The following PHACTR2 variants were observed in gnomAD, a reference collection of about 807,000 sequenced individuals.
PHACTR2 encodes phosphatase and actin regulator 2, also known as chromosome 6 open reading frame 56.
Under a neutral mutation model 76.0 loss-of-function variants are expected in PHACTR2, and 30 were observed. The ratio of observed to expected loss-of-function variants is 0.39; its 90% CI spans 0.30 to 0.54. The LOEUF (loss-of-function observed/expected upper bound fraction) is 0.54. Among genes scored for constraint, PHACTR2 ranks in the 20% least tolerant of loss-of-function variants. PHACTR2 has a pLI of 0.61. For synonymous variants in PHACTR2, 292 were observed against 292.5 expected (o/e 1.00, Z 0.02); for missense variants, 696 against 781.1 (o/e 0.89, Z 1.30).
At chr6:143,542,900 T>C (rs1781184282) in intron 1 of PHACTR2, among the ~76,000 whole-genome samples, 1 of 152,206 alleles carries the variant, frequency 6.6e-6, no homozygotes, top group Admixed American at 6.5e-5. Context: ...AGTGCCAACA[T>C]GGCCATGTAG....
Position 143,710,512 on chromosome 6 carries a change from G to A in PHACTR2, c.47-1504G>A, listed in dbSNP as rs111556991. Among the ~76,000 whole-genome samples, 5 of 152,224 alleles carry A rather than the reference G, an allele frequency of 3.3e-5. No individual in the cohort carries two copies. Among genetic ancestry groups the A allele is most frequent in the African/African-American group, 7.2e-5 (3 of 41,546 alleles). ...GTTCAAGACCAGCCTGGGCAACATG[G>A]TGAAACCCCGTCTCTACTAAAAATA... On this transcript the variant is annotated intron_variant, in intron 1 of 12. Transcript: ENST00000440869. The surrounding 1 kb of genome is among the most constrained non-coding windows in gnomAD (Gnocchi z 4.9).
At chr6:143,758,788 TA>T (rs1779365171) in intron 4 of PHACTR2, among the ~76,000 whole-genome samples, 1 of 152,204 alleles carries the variant, frequency 6.6e-6, no homozygotes, top group African/African-American at 2.4e-5. Flanking sequence ...AGGTGAACTT[TA>T]AAAGTAAAGC....
rs1582914032 is a variant in PHACTR2 at position 143,820,641 on chromosome 6, T to C, written c.1923-3033T>C. Among the ~76,000 whole-genome samples, 1 of 152,224 alleles carries C rather than the reference T, an allele frequency of 6.6e-6. No individual in the cohort carries two copies. Among genetic ancestry groups the C allele is most frequent in the Non-Finnish European group, 1.5e-5 (1 of 68,042 alleles). Reference sequence around the variant, plus strand: ...CCCAGGCTGATCTCACAGGCTGGCGTTGAATGTCTGTGGCTTTTCCAGGCA... The same window carrying C: ...CCCAGGCTGATCTCACAGGCTGGCGCTGAATGTCTGTGGCTTTTCCAGGCA... On this transcript the variant is annotated intron_variant, in intron 12 of 12. Transcript: ENST00000440869. The surrounding 1 kb of genome is among the most constrained non-coding windows in gnomAD (Gnocchi z 4.2).
At chr6:143,668,122 A>G (rs1469038204) in intron 1 of PHACTR2, among the ~76,000 whole-genome samples, 1 of 152,180 alleles carries the variant, frequency 6.6e-6, no homozygotes, top group Admixed American at 6.5e-5. Context: ...TTCTGCATCT[A>G]TTGAGATAAT....
chr6:143,810,931 T>G (rs1435351343), intron 12 of PHACTR2, among the ~76,000 whole-genome samples: 1 of 152,222 alleles, frequency 6.6e-6, no homozygotes, highest in Non-Finnish European at 1.5e-5. Context: ...CAGCCCTTTA[T>G]TGCCTATGTT....
In PHACTR2 at chr6:143,742,333, G is replaced by T. The variant is rs1778964033; in HGVS notation, c.215-6652G>T. 6.6e-6 allele frequency among the ~76,000 whole-genome samples: 1 copy of T among 152,072 alleles called. No individual in the cohort carries two copies. The highest frequency in any genetic ancestry group is 2.4e-5 in the African/African-American group (1 of 41,398). On this transcript the variant is annotated intron_variant, in intron 2 of 12. Coordinates refer to ENST00000440869, the MANE Select transcript of PHACTR2 (RefSeq NM_001100164.2). This position sits in a 1 kb window ranked among gnomAD's most constrained non-coding sequence, Gnocchi z 4.5. The stretch of plus-strand genomic sequence containing the variant: ...TTGAGTCTGTATTTCCTCCCTGTTG[G>T]CTTTTGTTGTTGTTGTGGTTGTTAA...
rs1460755892 is a variant in PHACTR2 at position 143,793,340 on chromosome 6, A to G, written c.1845+4430A>G. ...CTTCTAGGTTGCAGGGGAAAGGTAC[A>G]TGACCAGGTTTTCTGCCACAGGCTT... On this transcript the variant is annotated intron_variant, in intron 11 of 12. Coordinates refer to ENST00000440869, the MANE Select transcript of PHACTR2 (RefSeq NM_001100164.2). The surrounding 1 kb of genome is among the most constrained non-coding windows in gnomAD (Gnocchi z 4.4). Among the ~76,000 whole-genome samples the G allele has an allele frequency of 6.6e-6, 1 of 152,060 alleles. No homozygotes were observed. The highest frequency in any genetic ancestry group is 1.5e-5 in the Non-Finnish European group (1 of 68,004).
intron 1 of PHACTR2, among the ~76,000 whole-genome samples, chr6:143,704,097 G>GTGTGTGTGTGTGTGTC (rs1554221244): frequency 4.2e-5 from 6 of 142,456 alleles, no homozygotes; most frequent in African/African-American, 1.7e-4. Flanking sequence ...GTGTGTGTCT[G>GTGTGTGTGTGTGTGTC]TGTGTGTGTG....
intron 12 of PHACTR2, among the ~76,000 whole-genome samples, chr6:143,808,359 C>A (rs548941045): frequency 6.6e-6 from 1 of 152,006 alleles, no homozygotes; most frequent in South Asian, 2.1e-4. Flanking sequence ...AAACTCCTAA[C>A]CTAGAGTGAT....
At position 143,678,491 on chromosome 6, in the gene PHACTR2, G is replaced by C. The variant is rs1270571271; in HGVS notation, c.46+282G>C. On this transcript the variant is annotated intron_variant, in intron 1 of 12. Transcript: ENST00000440869. This position sits in a 1 kb window ranked among gnomAD's most constrained non-coding sequence, Gnocchi z 6.2. ...ATTATTTCGGAGCCAGAAACTTACGGGAAACGCCATTTGCGTATTACAGTG... is the reference window on the plus strand; with the variant it reads ...ATTATTTCGGAGCCAGAAACTTACGCGAAACGCCATTTGCGTATTACAGTG... Among the ~76,000 whole-genome samples, 3 of 152,328 alleles carry C rather than the reference G, an allele frequency of 2.0e-5. No homozygotes were observed. Among genetic ancestry groups the C allele is most frequent in the African/African-American group, 7.2e-5 (3 of 41,572 alleles).
chr6:143,797,954 T>A (rs1309484884), intron 11 of PHACTR2, among the ~76,000 whole-genome samples: 1 of 152,216 alleles, frequency 6.6e-6, no homozygotes, highest in Non-Finnish European at 1.5e-5. Context: ...GGTAGCTGGA[T>A]GGGGATAGCA....
rs527334507 is a variant in PHACTR2 at position 143,795,043 on chromosome 6, T to C, written c.1845+6133T>C. ...GAATCTGGTAGTCTGGTTAAATGGC[T>C]CATGTTGGAAAAGAGAAGTGGTGGG... On this transcript the variant is annotated intron_variant, in intron 11 of 12. Coordinates refer to ENST00000440869, the MANE Select transcript of PHACTR2 (RefSeq NM_001100164.2). This position sits in a 1 kb window ranked among gnomAD's most constrained non-coding sequence, Gnocchi z 4.8. Among the ~76,000 whole-genome samples, 373 of 152,274 alleles carry C rather than the reference T, an allele frequency of 2.4e-3. 3 individuals are homozygous for C. The highest frequency in any genetic ancestry group is 8.6e-3 in the African/African-American group (356 of 41,570).
In PHACTR2 at chr6:143,694,668, G is replaced by A. The variant is rs575282543; in HGVS notation, c.46+16459G>A. Among the ~76,000 whole-genome samples, 8 of 152,314 alleles carry A rather than the reference G, an allele frequency of 5.3e-5. No individual in the cohort carries two copies. The East Asian group carries it at 1.4e-3, about 26-fold the overall frequency. ...CTAAAATAAGAAAGAAAATGAATAAGCGTGTTAAAGAAAGATGGTGTTTAA... is the reference window on the plus strand; with the variant it reads ...CTAAAATAAGAAAGAAAATGAATAAACGTGTTAAAGAAAGATGGTGTTTAA... On this transcript the variant is annotated intron_variant, in intron 1 of 12. Coordinates refer to ENST00000440869, the MANE Select transcript of PHACTR2 (RefSeq NM_001100164.2).
rs1238562575 is a variant in PHACTR2 at position 143,554,898 on chromosome 6, A to G, written c.217+17691A>G. The G allele has an allele frequency of 6.6e-6, 1 of 151,468 alleles. No individual in the cohort carries two copies. Among genetic ancestry groups the G allele is most frequent in the Non-Finnish European group, 1.5e-5 (1 of 67,826 alleles). 9.4% of individuals were successfully genotyped at this position (151,468 alleles called of 1,614,324 possible). On this transcript the variant is annotated intron_variant, in intron 1 of 11. Coordinates refer to the PHACTR2 transcript ENST00000367584. This position sits in a 1 kb window ranked among gnomAD's most constrained non-coding sequence, Gnocchi z 5.9. Reference sequence around the variant, plus strand: ...CTTTGCCCTTTGTTCCTGTTGCATTATTTTCTTAACTCTTGGTGTGTTGAG... The same window carrying G: ...CTTTGCCCTTTGTTCCTGTTGCATTGTTTTCTTAACTCTTGGTGTGTTGAG...
In PHACTR2 at chr6:143,537,877, C is replaced by G. The variant is rs9403501; in HGVS notation, c.217+670C>G. Among the ~76,000 whole-genome samples, 21 of 152,038 alleles carry G rather than the reference C, an allele frequency of 1.4e-4. No individual in the cohort carries two copies. The highest frequency in any genetic ancestry group is 5.1e-4 in the African/African-American group (21 of 41,410). On this transcript the variant is annotated intron_variant, in intron 1 of 11. Transcript: ENST00000367584. The surrounding 1 kb of genome is among the most constrained non-coding windows in gnomAD (Gnocchi z 4.4). ...TTCCAGAGCTTTGGGAGGCCCAAGGCCGGCCGATCACTTGAGGTCAAAAGT... is the reference window on the plus strand; with the variant it reads ...TTCCAGAGCTTTGGGAGGCCCAAGGGCGGCCGATCACTTGAGGTCAAAAGT...
rs914172694 is a variant in PHACTR2, at chr6:143,777,638, A to G, written c.1645+255A>G. On this transcript the variant is annotated intron_variant, in intron 9 of 12. Coordinates refer to ENST00000440869, the MANE Select transcript of PHACTR2 (RefSeq NM_001100164.2). The surrounding 1 kb of genome is among the most constrained non-coding windows in gnomAD (Gnocchi z 4.6). ...CATGGTCATGACAATTGTGTTTAAGAAAGATGAAATATATTCCATGTATTC... is the reference window on the plus strand; with the variant it reads ...CATGGTCATGACAATTGTGTTTAAGGAAGATGAAATATATTCCATGTATTC... Among the ~76,000 whole-genome samples, 1 of 152,184 alleles carries G rather than the reference A, an allele frequency of 6.6e-6. No individual in the cohort carries two copies. The highest frequency in any genetic ancestry group is 2.4e-5 in the African/African-American group (1 of 41,458).
Position 143,539,240 on chromosome 6 carries a change from T to C in PHACTR2, c.217+2033T>C, listed in dbSNP as rs1014009894. ...GTCTTTTCTGTGTCCTCTTAACGGA[T>C]GCTAGGAAGTGAAACCTTTCAGCTC... On this transcript the variant is annotated intron_variant, in intron 1 of 11. Transcript: ENST00000367584. The surrounding 1 kb of genome is among the most constrained non-coding windows in gnomAD (Gnocchi z 4.3). 6.6e-6 allele frequency among the ~76,000 whole-genome samples: 1 copy of C among 152,222 alleles called. No homozygotes were observed. The highest frequency in any genetic ancestry group is 2.4e-5 in the African/African-American group (1 of 41,456).
In PHACTR2 at chr6:143,541,040, C is replaced by G; in HGVS notation, c.217+3833C>G. Among the ~76,000 whole-genome samples the G allele has an allele frequency of 6.6e-6, 1 of 152,236 alleles. No individual in the cohort carries two copies. Among genetic ancestry groups the G allele is most frequent in the East Asian group, 1.9e-4 (1 of 5,196 alleles). On this transcript the variant is annotated intron_variant, in intron 1 of 11. Transcript: ENST00000367584. This position sits in a 1 kb window ranked among gnomAD's most constrained non-coding sequence, Gnocchi z 5.3. ...CCTGAGGCTCAAGGGATCCTGCTGC[C>G]TCAGCCTCCTGAGTAGCTGGTGTTA...
intron 1 of PHACTR2, among the ~76,000 whole-genome samples, chr6:143,569,427 G>A (rs1242982344): frequency 1.3e-5 from 2 of 152,184 alleles, no homozygotes; most frequent in East Asian, 1.9e-4. Flanking sequence ...GTGATGTCAA[G>A]CCAATGATAT....
Sources: allele counts gnomAD v4.1 joint callset (sites outside exome capture counted in the v4.1 genomes callset), GRCh38; gene constraint gnomAD v4.1.1; non-coding constraint Gnocchi (gnomAD v3.1); transcripts MANE v1.5; gene names NCBI Gene and HGNC (gene_info 2026-07-23, HGNC 2026-07-21).